The following PACRG variants were observed in gnomAD, a reference collection of about 807,000 sequenced individuals.
PACRG encodes the protein parkin coregulated, also known as parkin coregulated gene protein.
Under a neutral mutation model 29.7 loss-of-function variants are expected in PACRG, and 29 were observed. That is an observed-to-expected ratio of 0.98 (90% confidence interval 0.73 to 1.33). The LOEUF (loss-of-function observed/expected upper bound fraction) is 1.33. Among genes scored for constraint, PACRG ranks in the 40% most tolerant of loss-of-function variants. PACRG has a pLI of 0.00. For synonymous variants in PACRG, 116 were observed against 118.7 expected, an observed-to-expected ratio of 0.98 and a Z score of 0.15; for missense variants, 279 against 316.2, an observed-to-expected ratio of 0.88 and a Z score of 0.89.
chr6:162,957,741 GCCCA>G (rs1562777925), intron 2 of PACRG, among the ~76,000 whole-genome samples: 4 of 151,874 alleles, frequency 2.6e-5, no homozygotes, highest in Admixed American at 2.6e-4. Flanking sequence ...AAATTAAGAA[GCCCA>G]GAACTCGAAT....
At chr6:162,788,772 CT>C (rs1784712506) in intron 1 of PACRG, among the ~76,000 whole-genome samples, 1 of 152,180 alleles carries the variant, frequency 6.6e-6, no homozygotes, top group Admixed American at 6.5e-5. Context: ...TGCGGAGCAT[CT>C]TTTTGTATGT....
At chr6:163,004,150 A>C (rs1804823175) in intron 2 of PACRG, among the ~76,000 whole-genome samples, 1 of 151,822 alleles carries the variant, frequency 6.6e-6, no homozygotes, top group Non-Finnish European at 1.5e-5. Flanking sequence ...AAGATTTTAA[A>C]ATTTCAGAGC....
At chr6:163,066,220 T>C (rs1291029921) in intron 3 of PACRG, among the ~76,000 whole-genome samples, 1 of 152,164 alleles carries the variant, frequency 6.6e-6, no homozygotes, top group Non-Finnish European at 1.5e-5. Context: ...CAAATAATAC[T>C]GAGGCTAAGA....
intron 4 of PACRG, among the ~76,000 whole-genome samples, chr6:163,110,803 G>A (rs1403663102): frequency 3.3e-5 from 5 of 152,292 alleles, no homozygotes; most frequent in South Asian, 2.1e-4. Context: ...AGCAAACACC[G>A]CCTCTTGAAA....
At chr6:163,164,548 A>C (rs1269463524) in intron 4 of PACRG, among the ~76,000 whole-genome samples, 1 of 152,256 alleles carries the variant, frequency 6.6e-6, no homozygotes, top group East Asian at 1.9e-4. Context: ...AAGAAGCTGC[A>C]TAGGAGAGAG....
At chr6:163,201,182 G>A (rs568501160) in intron 4 of PACRG, among the ~76,000 whole-genome samples, 167 of 152,344 alleles carry the variant, frequency 1.1e-3, no homozygotes, top group Non-Finnish European at 2.1e-3. Flanking sequence ...CAAGAAGAAA[G>A]TGAATACTTA....
chr6:163,019,244 CTT>C (rs1448981395), intron 2 of PACRG, among the ~76,000 whole-genome samples: 2 of 152,160 alleles, frequency 1.3e-5, no homozygotes, highest in African/African-American at 4.8e-5. Flanking sequence ...TCTGCCTACT[CTT>C]TTAGAAGGGA....
At chr6:162,735,301 A>G (rs1780080919) in intron 1 of PACRG, among the ~76,000 whole-genome samples, 1 of 152,156 alleles carries the variant, frequency 6.6e-6, no homozygotes, top group South Asian at 2.1e-4. Context: ...GTTTGGCTTT[A>G]GTAACTAAAC....
chr6:163,287,233 A>G (rs7742574), intron 4 of PACRG, among the ~76,000 whole-genome samples: 113,852 of 152,120 alleles, frequency 0.75, 43,356 homozygotes, highest in African/African-American at 0.9. Context: ...CTGGGGTCGC[A>G]TTTGCTTTGG....
intron 4 of PACRG, among the ~76,000 whole-genome samples, chr6:163,109,679 C>T (rs529544222): frequency 3.9e-5 from 6 of 152,334 alleles, no homozygotes; most frequent in South Asian, 4.1e-4. Context: ...CACATATGCT[C>T]ATGGGACAAA....
rs188275879 is a variant in PACRG at position 163,053,605 on chromosome 6, A to G, written c.292-8545A>G. Among the ~76,000 whole-genome samples the G allele has an allele frequency of 2.3e-3, 357 of 152,364 alleles. 1 individual carries two copies. Among genetic ancestry groups the G allele is most frequent in the African/African-American group, 7.5e-3 (314 of 41,594 alleles). On this transcript the variant is annotated intron_variant, in intron 2 of 4. Coordinates refer to ENST00000366888, the MANE Select transcript of PACRG (RefSeq NM_001080379.2). ...GGAAAACACAAGCACCCGGAAGCCT[A>G]TCTTGTCTATTATAATAGTCATAAA...
chr6:163,047,687 T>A (rs1809539596), intron 2 of PACRG, among the ~76,000 whole-genome samples: 1 of 152,216 alleles, frequency 6.6e-6, no homozygotes, highest in African/African-American at 2.4e-5. Context: ...GATTTGTTAC[T>A]CAGTAATTAA....
In PACRG at chr6:162,853,768, T is replaced by G. The variant is rs958602390; in HGVS notation, c.291+39487T>G. Among the ~76,000 whole-genome samples the G allele has an allele frequency of 6.6e-6, 1 of 152,204 alleles. No homozygotes were observed. The highest frequency in any genetic ancestry group is 2.4e-5 in the African/African-American group (1 of 41,450). The stretch of plus-strand genomic sequence containing the variant: ...CCCTAAACCTAAAATAAACATTTTT[T>G]AAAAAGCTATACTACCAGATATGAA... On this transcript the variant is annotated intron_variant, in intron 2 of 4. Coordinates refer to ENST00000366888, the MANE Select transcript of PACRG (RefSeq NM_001080379.2). This position sits in a 1 kb window ranked among gnomAD's most constrained non-coding sequence, Gnocchi z 4.7.
intron 4 of PACRG, among the ~76,000 whole-genome samples, chr6:163,233,972 A>G (rs565936532): frequency 3.9e-5 from 6 of 152,320 alleles, no homozygotes; most frequent in Non-Finnish European, 5.9e-5. Context: ...CTCAATAAGA[A>G]ATGCCTGGTG....
intron 3 of PACRG, among the ~76,000 whole-genome samples, chr6:163,080,352 G>A (rs1271113893): frequency 1.3e-5 from 2 of 152,126 alleles, no homozygotes; most frequent in Non-Finnish European, 2.9e-5. Context: ...GGAGCAAGGA[G>A]CTCCAAAGAC....
chr6:162,804,789 C>T (rs1232836799), intron 1 of PACRG, among the ~76,000 whole-genome samples: 1 of 147,936 alleles, frequency 6.8e-6, no homozygotes, highest in Non-Finnish European at 1.5e-5. Context: ...TTTTTAAAGA[C>T]TCTATAGGAT....
intron 1 of PACRG, among the ~76,000 whole-genome samples, chr6:162,795,617 C>G (rs1309142574): frequency 6.6e-6 from 1 of 151,874 alleles, no homozygotes; most frequent in Non-Finnish European, 1.5e-5. Context: ...TTCTCAATTT[C>G]TAAAAAGAAA....
At chr6:162,867,343 A>T (rs1283603677) in intron 2 of PACRG, among the ~76,000 whole-genome samples, 1 of 151,802 alleles carries the variant, frequency 6.6e-6, no homozygotes, top group Non-Finnish European at 1.5e-5. Context: ...ACCTTCTTGG[A>T]TATCTCTCCA....
intron 2 of PACRG, among the ~76,000 whole-genome samples, chr6:162,891,045 A>G (rs1426704173): frequency 6.6e-6 from 1 of 152,112 alleles, no homozygotes; most frequent in African/African-American, 2.4e-5. Flanking sequence ...AAGCCTTGTG[A>G]TGCTCATACG....
Sources: gnomAD v4.1 joint callset for allele counts (sites outside exome capture counted in the v4.1 genomes callset) on GRCh38, gnomAD v4.1.1 for gene constraint, Gnocchi (gnomAD v3.1) non-coding constraint, MANE v1.5 for transcripts, NCBI Gene and HGNC (gene_info 2026-07-23, HGNC 2026-07-21) for gene names.